The following MSL3 variants were observed in gnomAD, a reference collection of about 807,000 sequenced individuals.
MSL3 encodes MSL3-like 1.
Under a neutral mutation model 37.2 loss-of-function variants are expected in MSL3, and 5 were observed. The observed-to-expected ratio is 0.13, with a 90% CI of 0.07 to 0.28. The LOEUF (loss-of-function observed/expected upper bound fraction) is 0.28. Among genes scored for constraint, MSL3 ranks in the 10% least tolerant of loss-of-function variants. The pLI, the probability that MSL3 is intolerant of heterozygous loss-of-function variation, is 1.00. For synonymous variants in MSL3, 149 were observed against 147.6 expected, an observed-to-expected ratio of 1.01 and a Z score of -0.07; for missense variants, 315 against 408.5, an observed-to-expected ratio of 0.77 and a Z score of 1.97.
chrX:11,761,401 TTA>T, intron 4 of MSL3, 97 bp from the exon 5 acceptor site: 1 of 452,418 alleles, frequency 2.2e-6, no homozygotes, highest in Non-Finnish European at 3.8e-6. Flanking sequence ...TTGCAGTTTA[TTA>T]TTTCCAGTAG....
At position 11,775,513 on chromosome X, in the gene MSL3, C is replaced by T. The variant is rs1281629414; in HGVS notation, c.*434C>T. ...AAAGGTTTAGTTTGTACTCGGAAAC[C>T]ACAAAGTAGTCTCAAAGTATTTTAG... is the stretch of plus-strand genomic sequence containing the variant. On this transcript the variant is annotated 3_prime_UTR_variant, in exon 13 of 13. Transcript: ENST00000312196. 8.7e-6 allele frequency: 1 copy of T among 114,563 alleles called. No homozygotes were observed. The highest frequency in any genetic ancestry group is 3.2e-5 in the African/African-American group (1 of 30,969). 9.4% of individuals were successfully genotyped at this position (114,563 alleles called of 1,213,427 possible).
chrX:11,771,311 A>G (rs901459853), intron 10 of MSL3, among the ~76,000 whole-genome samples: 1 of 112,204 alleles, frequency 8.9e-6, no homozygotes, highest in African/African-American at 3.2e-5. Context: ...ACGGAAATTC[A>G]TCAGAGAGTT....
chrX:11,772,064 C>T, intron 10 of MSL3, 92 bp from the exon 11 acceptor site: 13 of 567,566 alleles, frequency 2.3e-5, no homozygotes, highest in East Asian at 6.9e-5. Flanking sequence ...TTATTTTTTC[C>T]CCTCTACGTA....
intron 10 of MSL3, among the ~76,000 whole-genome samples, chrX:11,770,247 A>G (rs1360130491): frequency 8.9e-6 from 1 of 112,194 alleles, no homozygotes; most frequent in Non-Finnish European, 1.9e-5. Flanking sequence ...GACCCCATAG[A>G]GAATCTAGAA....
chrX:11,772,207 C>T lies in MSL3; in HGVS notation c.1333C>T (p.Pro445Ser). ...CAATTACCCCCCAGGTGACCAGCCG[C>T]CTCCACCCTCTTACATTTATGGGGC... ...PDNYPPGDQPPPPSYIYGAQH... is the reference protein window; with the variant it reads ...PDNYPPGDQPSPPSYIYGAQH... Residue 445 changes from proline (P) to serine (S), a missense_variant, in exon 11 of 13, where the codon CCT becomes TCT. Transcript: ENST00000312196. The T allele has an allele frequency of 8.3e-7, 1 of 1,210,652 alleles. No individual in the cohort carries two copies.
At position 11,772,146 on chromosome X, in the gene MSL3, CT is replaced by C; in HGVS notation, c.1282-5del. Reference sequence around the variant, plus strand: ...GAATAACAAAAGCATTCAATTCGTGCTTTTTCCAGGTCCTCTCCTGGAAGCT... The same window carrying C: ...GAATAACAAAAGCATTCAATTCGTGCTTTTCCAGGTCCTCTCCTGGAAGCT... On this transcript the variant is annotated splice_polypyrimidine_tract_variant and intron_variant, in intron 10 of 12. Coordinates refer to ENST00000312196, the MANE Select transcript of MSL3 (RefSeq NM_078629.4). The C allele has an allele frequency of 8.4e-7, 1 of 1,185,324 alleles. No homozygotes were observed. The highest frequency in any genetic ancestry group is 1.1e-6 in the Non-Finnish European group (1 of 873,976).
At chrX:11,771,823 C>T (rs12559434) in intron 10 of MSL3, among the ~76,000 whole-genome samples, 3,036 of 111,905 alleles carry the variant, frequency 0.027, 35 homozygotes, top group Middle Eastern at 0.047. Context: ...GCAGTTGATC[C>T]ACACACCTCG....
At chrX:11,772,288 T>C (rs2053239241) in intron 11 of MSL3, 33 bp downstream of exon 11, 1 of 1,090,393 alleles carries the variant, frequency 9.2e-7, no homozygotes, top group Admixed American at 2.2e-5. Flanking sequence ...TCTTTCCATT[T>C]TTCATTTTGT....
chrX:11,759,007 TAA>T (rs1483516150), intron 1 of MSL3, among the ~76,000 whole-genome samples: 1 of 112,285 alleles, frequency 8.9e-6, no homozygotes, highest in Non-Finnish European at 1.9e-5. Flanking sequence ...CCGGTCCACC[TAA>T]GTCTCCGGGA....
rs910368154 is a variant in MSL3, at chrX:11,775,455, ATT to A, written c.*382_*383del. On this transcript the variant is annotated 3_prime_UTR_variant, in exon 13 of 13. Transcript: ENST00000312196. ...AAATTTTTTTTTGCAAATTGGTTTT[ATT>A]TTTTTGATGAAGCCGAGCAACTCTG... 1 of 124,951 alleles carries A rather than the reference ATT, an allele frequency of 8.0e-6. No homozygotes were observed. Among genetic ancestry groups the A allele is most frequent in the Non-Finnish European group, 1.6e-5 (1 of 61,829 alleles). 10.3% of individuals were successfully genotyped at this position (124,951 alleles called of 1,213,427 possible).
intron 8 of MSL3, among the ~76,000 whole-genome samples, chrX:11,764,631 C>T (rs773264059): frequency 6.3e-5 from 7 of 111,781 alleles, no homozygotes; most frequent in Non-Finnish European, 9.4e-5. Flanking sequence ...CCTCTGTTAA[C>T]CACTTATTAT....
chrX:11,761,602 A>G lies in MSL3; in HGVS notation c.465+20A>G, dbSNP rs2053133586. ...GAAGTGGTATAAAGTTTTTATTGTA[A>G]AAACTTTCTCTTTGTTATATATTTT... On this transcript the variant is annotated intron_variant, in intron 5 of 12. Transcript: ENST00000312196. 1 of 1,017,369 alleles carries G rather than the reference A, an allele frequency of 9.8e-7. No individual in the cohort carries two copies. The highest frequency in any genetic ancestry group is 1.9e-5 in the African/African-American group (1 of 53,076). The allele number at this position is 1,017,369 out of a possible 1,213,427, so 83.8% of individuals were successfully genotyped here.
intron 5 of MSL3, 132 bp from the exon 6 acceptor site, chrX:11,761,998 A>G: frequency 4.0e-6 from 2 of 502,398 alleles, no homozygotes; most frequent in Non-Finnish European, 6.4e-6. Context: ...GGCCTTTAAC[A>G]TACTTTTAAT....
At chrX:11,774,855 A>G (rs2053261086) in intron 12 of MSL3, 125 bp from the exon 13 acceptor site, 1 of 485,817 alleles carries the variant, frequency 2.1e-6, no homozygotes, top group Non-Finnish European at 3.6e-6. Context: ...GATCAAAATT[A>G]TAGTCATTTT....
Position 11,759,826 on chromosome X carries a change from G to A in MSL3, c.136G>A (p.Gly46Ser). The change falls in exon 2 of 13, where the codon GGC becomes AGC. Residue 46 changes from glycine (G) to serine (S), a missense_variant. Coordinates refer to ENST00000312196, the MANE Select transcript of MSL3 (RefSeq NM_078629.4). ...TGTTATTGTTGGGAAAGACGAAAAAGGCAGAAAGATCCCAGAATATCTGAT... is the reference window on the plus strand; with the variant it reads ...TGTTATTGTTGGGAAAGACGAAAAAAGCAGAAAGATCCCAGAATATCTGAT... ...VDVIVGKDEK[G>S]RKIPEYLIHF... 1 of 1,211,376 alleles carries A rather than the reference G, an allele frequency of 8.3e-7. No homozygotes were observed. Among genetic ancestry groups the A allele is most frequent in the Non-Finnish European group, 1.1e-6 (1 of 895,304 alleles).
intron 10 of MSL3, among the ~76,000 whole-genome samples, chrX:11,769,936 A>G (rs1381261452): frequency 8.9e-6 from 1 of 112,475 alleles, no homozygotes; most frequent in Non-Finnish European, 1.9e-5. Flanking sequence ...ATGGGAAGAG[A>G]AGTCACAAAA....
At chrX:11,769,325 G>A (rs2053212335) in intron 10 of MSL3, among the ~76,000 whole-genome samples, 1 of 111,977 alleles carries the variant, frequency 8.9e-6, no homozygotes, top group Non-Finnish European at 1.9e-5. Flanking sequence ...ATGGGCTCTA[G>A]GCCACCACTG....
At chrX:11,767,384 T>A in intron 9 of MSL3, 1 of 411,314 alleles carries the variant, frequency 2.4e-6, no homozygotes, top group Non-Finnish European at 3.1e-6. Context: ...GGTTCATGCC[T>A]GTGAGACTGG....
At chrX:11,758,867 C>A in intron 1 of MSL3, 1 of 906,347 alleles carries the variant, frequency 1.1e-6, no homozygotes, top group Non-Finnish European at 1.5e-6. Context: ...CGCCTGTAGG[C>A]CGTGAACCCC....
Sources: allele counts gnomAD v4.1 joint callset (sites outside exome capture counted in the v4.1 genomes callset), GRCh38; gene constraint gnomAD v4.1.1; transcripts MANE v1.5; gene names NCBI Gene and HGNC (gene_info 2026-07-23, HGNC 2026-07-21).